SPTBN4: variants seen among roughly 807,000 people sequenced by gnomAD.
The protein encoded by SPTBN4 is spectrin beta, non-erythrocytic 4, also known as spectrin beta chain, non-erythrocytic 4.
Under a neutral mutation model 277.8 loss-of-function variants are expected in SPTBN4, and 96 were observed. The observed-to-expected ratio is 0.35, with a 90% CI of 0.29 to 0.41. SPTBN4 has a LOEUF of 0.41. Among genes scored for constraint, SPTBN4 ranks in the 10% least tolerant of loss-of-function variants. SPTBN4 has a pLI of 1.00. For missense variants in SPTBN4, 3,006 were observed against 3,595.7 expected, an observed-to-expected ratio of 0.84 and a Z score of 4.19; for synonymous variants, 1,481 against 1,580.3, an observed-to-expected ratio of 0.94 and a Z score of 1.49.
intron 15 of SPTBN4, among the ~76,000 whole-genome samples, chr19:40,516,227 G>A (rs1345143845): frequency 1.6e-5 from 2 of 126,456 alleles, no homozygotes; most frequent in Non-Finnish European, 1.6e-5. Flanking sequence ...AATAGAGCCA[G>A]ACCTTGTCTC....
At chr19:40,570,823 T>A in intron 33 of SPTBN4, 95 bp downstream of exon 33, 1 of 1,307,500 alleles carries the variant, frequency 7.6e-7, no homozygotes, top group Non-Finnish European at 1.0e-6. Context: ...TGGCTCAACT[T>A]CAGGCCCTCC....
At chr19:40,552,327 C>T (rs1203936310) in intron 22 of SPTBN4, among the ~76,000 whole-genome samples, 2 of 149,050 alleles carry the variant, frequency 1.3e-5, no homozygotes, top group East Asian at 2.0e-4. Flanking sequence ...AGGTGTCGGG[C>T]GCCTGTAATC....
Position 40,554,234 on chromosome 19 carries a change from G to C in SPTBN4, c.4762G>C (p.Glu1588Gln). The change falls in exon 23 of 36, where the codon GAG becomes CAG. Residue 1588 changes from glutamate (E) to glutamine (Q), a missense_variant. By Grantham distance (29) the Glu-to-Gln change is conservative (BLOSUM62 2). Coordinates refer to ENST00000598249, the MANE Select transcript of SPTBN4 (RefSeq NM_020971.3). The surrounding 1 kb of genome is among the most constrained non-coding windows in gnomAD (Gnocchi z 5.7). Reference protein sequence around the residue: ...AGALASLRSPEAEAVRRGLEQ... With the variant: ...AGALASLRSPQAEAVRRGLEQ... ...CGCGCTGGCGTCGCTGCGCAGCCCG[G>C]AGGCAGAGGCAGTGCGCCGGGGCCT... The C allele has an allele frequency of 6.6e-7, 1 of 1,518,714 alleles. No homozygotes were observed. Among genetic ancestry groups the C allele is most frequent in the Non-Finnish European group, 8.8e-7 (1 of 1,141,158 alleles). 94.1% of individuals were successfully genotyped at this position (1,518,714 alleles called of 1,614,324 possible). A position where few individuals can be genotyped will look rare whatever the true frequency, so the allele number is the denominator to read the frequency against.
In SPTBN4 at chr19:40,568,128, G is replaced by C. The variant is rs1258918938; in HGVS notation, c.6802G>C (p.Glu2268Gln). 1 of 1,575,016 alleles carries C rather than the reference G, an allele frequency of 6.3e-7. No homozygotes were observed. The highest frequency in any genetic ancestry group is 8.6e-7 in the Non-Finnish European group (1 of 1,160,908). ...GGAGGCTGCGCGGAGGCGGCGGCCG[G>C]AGCGGCAGGAGTCAGCGGAGCACGA... ...SEEAARRRRP[E>Q]RQESAEHEAA... The change falls in exon 31 of 36, where the codon GAG (glutamate) becomes CAG (glutamine). Residue 2268 changes from glutamate (E) to glutamine (Q), a missense_variant. Physicochemically the swap from Glu to Gln is conservative, Grantham distance 29. Around this residue, in one of 5 missense-constraint regions of SPTBN4, gnomAD observed 630 missense variants for 677.6 expected, o/e 0.93. Coordinates refer to ENST00000598249, the MANE Select transcript of SPTBN4 (RefSeq NM_020971.3).
intron 2 of SPTBN4, among the ~76,000 whole-genome samples, chr19:40,476,162 C>T (rs1334214752): frequency 4.0e-5 from 6 of 151,646 alleles, no homozygotes; most frequent in South Asian, 2.1e-4. Context: ...CTGGCCAGCA[C>T]GGCAAAACCC....
chr19:40,484,935 AAAAAAAC>A (rs1317987047), intron 2 of SPTBN4, among the ~76,000 whole-genome samples: 2 of 139,258 alleles, frequency 1.4e-5, no homozygotes, highest in African/African-American at 6.4e-5. Flanking sequence ...CCGTCTCAAA[AAAAAAAC>A]AAAACAAAAA....
At position 40,502,702 on chromosome 19, in the gene SPTBN4, C is replaced by A; in HGVS notation, c.1204-73C>A. On this transcript the variant is annotated intron_variant, in intron 10 of 35. Coordinates refer to ENST00000598249, the MANE Select transcript of SPTBN4 (RefSeq NM_020971.3). This position sits in a 1 kb window ranked among gnomAD's most constrained non-coding sequence, Gnocchi z 4.9. ...GAAGTTGCCATAATGCTATGAGTGA[C>A]CTCAGACTAAGTCAAGACCATTAAA... The A allele has an allele frequency of 6.4e-7, 1 of 1,564,420 alleles. No individual in the cohort carries two copies. The highest frequency in any genetic ancestry group is 8.7e-7 in the Non-Finnish European group (1 of 1,155,176).
At chr19:40,574,103 A>G (rs551392396) in intron 35 of SPTBN4, among the ~76,000 whole-genome samples, 2 of 144,216 alleles carry the variant, frequency 1.4e-5, no homozygotes, top group Non-Finnish European at 3.1e-5. Flanking sequence ...CTCCATCTCA[A>G]AACAAAACAA....
chr19:40,513,013 G>C lies in SPTBN4; in HGVS notation c.2224G>C (p.Val742Leu). 7.0e-7 allele frequency: 1 copy of C among 1,432,524 alleles called. No homozygotes were observed. 88.7% of individuals were successfully genotyped at this position (1,432,524 alleles called of 1,614,324 possible). Residue 742 changes from valine to leucine, a missense_variant, in exon 14 of 36, where the codon GTA (valine) becomes CTA (leucine). Physicochemically the swap from Val to Leu is conservative, Grantham distance 32. Transcript: ENST00000598249. ...VGPGADTVHL[V>L]GLAERAASAR... ...CCCGGGAGCAGACACCGTGCACCTG[G>C]TAGGCCTGGCGGAGCGCGCGGCGAG...
chr19:40,476,198 A>T, intron 2 of SPTBN4, among the ~76,000 whole-genome samples: 1 of 151,892 alleles, frequency 6.6e-6, no homozygotes, highest in East Asian at 1.9e-4. Context: ...TACAAAAATT[A>T]GCTGGGTGTG....
chr19:40,482,960 C>CA lies in SPTBN4; in HGVS notation c.170-4730dup, dbSNP rs577661347. On this transcript the variant is annotated intron_variant, in intron 2 of 35. Coordinates refer to ENST00000598249, the MANE Select transcript of SPTBN4 (RefSeq NM_020971.3). ...TGGGAGACAGAGGGAGACTCCATTT[C>CA]AAAAAAATAATAATAAATAATAAAA... 2.3e-4 allele frequency among the ~76,000 whole-genome samples: 35 copies of CA among 151,266 alleles called. 1 individual carries two copies. In the South Asian group the frequency reaches 6.0e-3, roughly 26 times the overall value.
chr19:40,565,853 G>T, intron 29 of SPTBN4, 108 bp downstream of exon 29: 2 of 1,239,274 alleles, frequency 1.6e-6, no homozygotes, highest in Non-Finnish European at 1.1e-6. Context: ...CCTACCCATG[G>T]GTCTCCAGAA....
chr19:40,563,382 T>C (rs1016430068), intron 27 of SPTBN4, among the ~76,000 whole-genome samples: 3 of 152,102 alleles, frequency 2.0e-5, no homozygotes, highest in African/African-American at 7.2e-5. Flanking sequence ...TGGAATTTGT[T>C]TTGGACATAA....
rs146395049 is a variant in SPTBN4 at position 40,572,638 on chromosome 19, A to T, written c.7536+258A>T. On this transcript the variant is annotated intron_variant, in intron 35 of 35. Transcript: ENST00000598249. The stretch of plus-strand genomic sequence containing the variant: ...TCTTTGCCGTGGTCACTCAGGTGAG[A>T]CTGGAATGGAGGGAGTTCGCTTTAA... 428 of 526,216 alleles carry T rather than the reference A, an allele frequency of 8.1e-4. 4 individuals are homozygous for T. Among genetic ancestry groups the T allele is most frequent in the African/African-American group, 7.3e-3 (383 of 52,362 alleles). 32.6% of individuals were successfully genotyped at this position (526,216 alleles called of 1,614,324 possible).
chr19:40,487,819 C>T lies in SPTBN4; in HGVS notation c.292C>T (p.Leu98Phe). 1 of 1,609,610 alleles carries T rather than the reference C, an allele frequency of 6.2e-7. No individual in the cohort carries two copies. Among genetic ancestry groups the T allele is most frequent in the Admixed American group, 1.7e-5 (1 of 59,646 alleles). Residue 98 changes from leucine to phenylalanine, a missense_variant, in exon 3 of 36, where the codon CTC becomes TTC. This residue lies in a region of SPTBN4 where 114 missense variants were observed against 196.1 expected (regional missense o/e 0.58). Transcript: ENST00000598249. ...DLRDGFVLTR[L>F]LEVLSGEQLP... ...CCGGGACGGCTTCGTGCTCACGCGG[C>T]TCCTGGAAGTGCTGTCTGGGGAGCA...
chr19:40,554,913 C>T lies in SPTBN4; in HGVS notation c.5084+267C>T. On this transcript the variant is annotated intron_variant, in intron 24 of 35. Coordinates refer to ENST00000598249, the MANE Select transcript of SPTBN4 (RefSeq NM_020971.3). This position sits in a 1 kb window ranked among gnomAD's most constrained non-coding sequence, Gnocchi z 5.7. Reference sequence around the variant, plus strand: ...AGAAAAGAGTAGGCGATGTCTAGGACTGGGGTAGAGAAGAATTTACTCAGG... The same window carrying T: ...AGAAAAGAGTAGGCGATGTCTAGGATTGGGGTAGAGAAGAATTTACTCAGG... 2.3e-6 allele frequency: 1 copy of T among 439,298 alleles called. No individual in the cohort carries two copies. Among genetic ancestry groups the T allele is most frequent in the Non-Finnish European group, 4.2e-6 (1 of 240,356 alleles). 27.2% of individuals were successfully genotyped at this position (439,298 alleles called of 1,614,324 possible).
intron 14 of SPTBN4, 86 bp downstream of exon 14, chr19:40,513,640 T>G: frequency 7.4e-7 from 1 of 1,344,186 alleles, no homozygotes; most frequent in East Asian, 2.7e-5. Context: ...CCATGTTTGC[T>G]CAGCTGGAAC....
At chr19:40,575,335 G>T in intron 35 of SPTBN4, 76 bp from the exon 36 acceptor site, 1 of 1,499,016 alleles carries the variant, frequency 6.7e-7, no homozygotes, top group South Asian at 1.2e-5. Context: ...AGAGAGGGTA[G>T]TCTGATCTGA....
chr19:40,534,531 C>T (rs2080713652), intron 20 of SPTBN4, 188 bp downstream of exon 20: 2 of 721,664 alleles, frequency 2.8e-6, no homozygotes, highest in African/African-American at 1.8e-5. Context: ...AGCCACCACT[C>T]CCTAAGGTAT....
Sources: allele counts gnomAD v4.1 joint callset (sites outside exome capture counted in the v4.1 genomes callset), GRCh38; gene constraint gnomAD v4.1.1; regional missense constraint gnomAD v4.1.1; non-coding constraint Gnocchi (gnomAD v3.1); transcripts MANE v1.5; gene names NCBI Gene and HGNC (gene_info 2026-07-23, HGNC 2026-07-21).